Variants in PTPN11 observed in about 807,000 individuals in gnomAD.
The protein encoded by PTPN11 is tyrosine-protein phosphatase non-receptor type 11.
Under a neutral mutation model 78.8 loss-of-function variants are expected in PTPN11, and 6 were observed. That is an observed-to-expected ratio of 0.08 (90% CI 0.04 to 0.15). The LOEUF is 0.15. Ranked by LOEUF, PTPN11 falls within the 10% of genes least tolerant of loss-of-function variation. PTPN11 has a pLI of 1.00. For synonymous variants in PTPN11, 221 were observed against 263.5 expected (o/e 0.84, Z 1.56); for missense variants, 386 against 744.8 (o/e 0.52, Z 5.61).
chr12:112,506,434 G>A lies in PTPN11; in HGVS notation c.*642G>A, dbSNP rs1217256717. 2 of 151,558 alleles carry A rather than the reference G, an allele frequency of 1.3e-5. No homozygotes were observed. The highest frequency in any genetic ancestry group is 2.4e-5 in the African/African-American group (1 of 41,332). 9.4% of individuals were successfully genotyped at this position (151,558 alleles called of 1,614,324 possible). On this transcript the variant is annotated 3_prime_UTR_variant, in exon 16 of 16. Coordinates refer to ENST00000351677, the MANE Select transcript of PTPN11 (RefSeq NM_002834.5). ...ATTTATGAATTAAGGTAAGAGGTGT[G>A]GCTTTTTTTTTTTTCTTTTTTCCAG... is the stretch of plus-strand genomic sequence containing the variant.
chr12:112,433,177 T>A (rs1007893466), intron 1 of PTPN11, among the ~76,000 whole-genome samples: 5 of 152,204 alleles, frequency 3.3e-5, no homozygotes, highest in African/African-American at 1.2e-4. Context: ...CCACCATTTT[T>A]AATCTTTTAT....
At chr12:112,490,689 C>T (rs1005230204) in intron 13 of PTPN11, among the ~76,000 whole-genome samples, 1 of 152,170 alleles carries the variant, frequency 6.6e-6, no homozygotes, top group African/African-American at 2.4e-5. Context: ...TCAAACAACC[C>T]TCCCACTTTG....
At position 112,419,131 on chromosome 12, in the gene PTPN11, G is replaced by T. The variant is rs1244171867; in HGVS notation, c.14+6G>T. 1 of 1,515,588 alleles carries T rather than the reference G, an allele frequency of 6.6e-7. No homozygotes were observed. Among genetic ancestry groups the T allele is most frequent in the Middle Eastern group, 2.3e-4 (1 of 4,284 alleles). 93.9% of individuals were successfully genotyped at this position (1,515,588 alleles called of 1,614,324 possible). On this transcript the variant is annotated splice_donor_region_variant and intron_variant, in intron 1 of 15. Transcript: ENST00000351677. ...AGGAACATGACATCGCGGAGGTGAGGAGCCCCGAGGGGCCCGGCGCGGGCC... is the reference window on the plus strand; with the variant it reads ...AGGAACATGACATCGCGGAGGTGAGTAGCCCCGAGGGGCCCGGCGCGGGCC...
In PTPN11 at chr12:112,509,289, C is replaced by T. The variant is rs570581746; in HGVS notation, c.*3497C>T. 1.3e-5 allele frequency: 2 copies of T among 152,440 alleles called. No homozygotes were observed. The highest frequency in any genetic ancestry group is 4.1e-4 in the South Asian group (2 of 4,830). The allele number at this position is 152,440 out of a possible 1,614,324, so 9.4% of individuals were successfully genotyped here. A position where few individuals can be genotyped will look rare whatever the true frequency, so the allele number is the denominator to read the frequency against. On this transcript the variant is annotated 3_prime_UTR_variant, in exon 16 of 16. Coordinates refer to ENST00000351677, the MANE Select transcript of PTPN11 (RefSeq NM_002834.5). ...TGTTCCTTTTTCACTATGGGCAGTTCACACAAGGCAAAAACTATTGAACAG... is the reference window on the plus strand; with the variant it reads ...TGTTCCTTTTTCACTATGGGCAGTTTACACAAGGCAAAAACTATTGAACAG...
intron 6 of PTPN11, among the ~76,000 whole-genome samples, chr12:112,461,810 T>C (rs1280191574): frequency 6.6e-6 from 1 of 152,094 alleles, no homozygotes; most frequent in Non-Finnish European, 1.5e-5. Flanking sequence ...AAATCTGTTA[T>C]GGGTTCAATT....
At chr12:112,492,432 C>T (rs1182778660) in intron 13 of PTPN11, among the ~76,000 whole-genome samples, 1 of 151,442 alleles carries the variant, frequency 6.6e-6, no homozygotes, top group African/African-American at 2.4e-5. Context: ...AAGTTAATCT[C>T]TTGTCCATAA....
At chr12:112,485,013 C>CACTTTGGGAGGCTGAAGTGGGTGGATT (rs1431866488) in intron 10 of PTPN11, among the ~76,000 whole-genome samples, 2 of 152,080 alleles carry the variant, frequency 1.3e-5, no homozygotes, top group Non-Finnish European at 2.9e-5. Flanking sequence ...GTAATCCCTG[C>CACTTTGGGAGGCTGAAGTGGGTGGATT]ACTTTGGGAG....
intron 6 of PTPN11, among the ~76,000 whole-genome samples, chr12:112,468,871 C>T (rs965886450): frequency 1.2e-4 from 18 of 152,190 alleles, no homozygotes; most frequent in African/African-American, 4.1e-4. Context: ...CGAGACCAGC[C>T]TGGGCAACAT....
At chr12:112,505,627 A>G (rs1284790170) in intron 15 of PTPN11, among the ~76,000 whole-genome samples, 198 bp from the exon 16 acceptor site, 1 of 134,628 alleles carries the variant, frequency 7.4e-6, no homozygotes, top group Non-Finnish European at 1.5e-5. Flanking sequence ...ATTGCACTCC[A>G]CCTGGGCCAC....
At chr12:112,481,693 A>C (rs1406693177) in intron 9 of PTPN11, among the ~76,000 whole-genome samples, 1 of 152,124 alleles carries the variant, frequency 6.6e-6, no homozygotes, top group Non-Finnish European at 1.5e-5. Flanking sequence ...CGGTTTCACC[A>C]TTTGGCCAGG....
At chr12:112,430,228 C>A (rs2037690925) in intron 1 of PTPN11, among the ~76,000 whole-genome samples, 2 of 152,056 alleles carry the variant, frequency 1.3e-5, no homozygotes, top group Admixed American at 6.6e-5. Context: ...TCTTGAACTC[C>A]CAGCCTCAGG....
intron 1 of PTPN11, among the ~76,000 whole-genome samples, chr12:112,423,291 A>AT (rs1217307765): frequency 1.6e-4 from 24 of 148,688 alleles, no homozygotes; most frequent in South Asian, 2.1e-4. Flanking sequence ...GAAATTTGAA[A>AT]TTTTTTTTTT....
At chr12:112,488,729 C>A (rs559160941) in intron 12 of PTPN11, among the ~76,000 whole-genome samples, 2 of 152,140 alleles carry the variant, frequency 1.3e-5, no homozygotes, top group East Asian at 3.9e-4. Flanking sequence ...ACTGCCATGG[C>A]CTTTTGTTGC....
chr12:112,490,815 G>A (rs115432148), intron 13 of PTPN11, among the ~76,000 whole-genome samples: 231 of 152,258 alleles, frequency 1.5e-3, no homozygotes, highest in African/African-American at 5.4e-3. Context: ...GCAATATATA[G>A]TTTTCTGCGT....
intron 5 of PTPN11, among the ~76,000 whole-genome samples, chr12:112,454,961 A>G (rs1488466864): frequency 6.6e-6 from 1 of 151,504 alleles, no homozygotes; most frequent in African/African-American, 2.4e-5. Context: ...CTGGGACTAC[A>G]GGTGCCCACC....
chr12:112,427,342 C>G (rs930173903), intron 1 of PTPN11, among the ~76,000 whole-genome samples: 2 of 151,668 alleles, frequency 1.3e-5, no homozygotes, highest in African/African-American at 4.8e-5. Context: ...GTCAGGAGAT[C>G]GAGACCATCC....
At chr12:112,458,871 A>G (rs919976608) in intron 6 of PTPN11, among the ~76,000 whole-genome samples, 1 of 152,108 alleles carries the variant, frequency 6.6e-6, no homozygotes, top group Non-Finnish European at 1.5e-5. Context: ...CGTCTCTACA[A>G]AAAATACAAA....
In PTPN11 at chr12:112,452,672, C is replaced by T. The variant is rs555427086; in HGVS notation, c.333-523C>T. ...CCTTGTGTATAGCTGGGATTACAGG[C>T]AGTTGCCACCATGCCAGGCTAATTT... On this transcript the variant is annotated intron_variant, in intron 3 of 15. Transcript: ENST00000351677. Among the ~76,000 whole-genome samples, 4 of 152,258 alleles carry T rather than the reference C, an allele frequency of 2.6e-5. No homozygotes were observed. In the South Asian group the frequency reaches 8.3e-4, roughly 32 times the overall value.
At chr12:112,442,582 G>C (rs1019510914) in intron 1 of PTPN11, among the ~76,000 whole-genome samples, 3 of 151,514 alleles carry the variant, frequency 2.0e-5, no homozygotes, top group South Asian at 2.1e-4. Context: ...CCCCTGAGTA[G>C]TTGGGACTAT....
Sources: allele counts gnomAD v4.1 joint callset (sites outside exome capture counted in the v4.1 genomes callset), GRCh38; gene constraint gnomAD v4.1.1; transcripts MANE v1.5; gene names NCBI Gene and HGNC (gene_info 2026-07-23, HGNC 2026-07-21).